The following DDC variants were observed in gnomAD, a reference collection of about 807,000 sequenced individuals.
The protein encoded by DDC is dopa decarboxylase, also known as aromatic-L-amino-acid decarboxylase.
Under a neutral mutation model 60.0 loss-of-function variants are expected in DDC, and 43 were observed. That is an observed-to-expected ratio of 0.72 (90% CI 0.56 to 0.92). DDC has a LOEUF of 0.92. Ranked by LOEUF, DDC falls within the 40% of genes least tolerant of loss-of-function variation. The pLI, the probability that DDC is intolerant of heterozygous loss-of-function variation, is 0.00. For synonymous variants in DDC, 232 were observed against 234.6 expected (o/e 0.99, Z 0.10); for missense variants, 573 against 620.2 (o/e 0.92, Z 0.81).
intron 6 of DDC, among the ~76,000 whole-genome samples, chr7:50,508,865 A>C (rs946453429): frequency 2.0e-5 from 3 of 152,188 alleles, no homozygotes; most frequent in Non-Finnish European, 4.4e-5. Flanking sequence ...AGTTAAAGAC[A>C]ACAAACAAGG....
intron 4 of DDC, among the ~76,000 whole-genome samples, chr7:50,529,658 A>C (rs2044141793): frequency 6.6e-6 from 1 of 152,146 alleles, no homozygotes; most frequent in Admixed American, 6.5e-5. Flanking sequence ...GCCTAGGACG[A>C]CTGCTCCTGT....
At chr7:50,555,593 T>C (rs1475657180) in intron 1 of DDC, among the ~76,000 whole-genome samples, 1 of 152,180 alleles carries the variant, frequency 6.6e-6, no homozygotes, top group Non-Finnish European at 1.5e-5. Context: ...ACTATTTTTA[T>C]GTAAACCCGG....
chr7:50,553,880 T>C (rs2045094595), intron 1 of DDC, among the ~76,000 whole-genome samples: 1 of 152,214 alleles, frequency 6.6e-6, no homozygotes, highest in Admixed American at 6.5e-5. Flanking sequence ...TAAAGAAGTT[T>C]CTAGCCATGA....
chr7:50,555,088 T>C (rs570928086), intron 1 of DDC, among the ~76,000 whole-genome samples: 2 of 152,222 alleles, frequency 1.3e-5, no homozygotes, highest in Non-Finnish European at 2.9e-5. Context: ...GGAACCAGGA[T>C]CCAGGCTGTC....
At chr7:50,555,267 C>T (rs1034647737) in intron 1 of DDC, among the ~76,000 whole-genome samples, 1 of 152,166 alleles carries the variant, frequency 6.6e-6, no homozygotes, top group Non-Finnish European at 1.5e-5. Flanking sequence ...AGAAGCATGG[C>T]TTGTGTGGTT....
chr7:50,519,032 C>T (rs1034379679), intron 6 of DDC, among the ~76,000 whole-genome samples: 2 of 152,134 alleles, frequency 1.3e-5, no homozygotes, highest in African/African-American at 2.4e-5. Context: ...TGAACTCAAA[C>T]AAATCAGTAA....
At chr7:50,532,581 A>G (rs2044251572) in intron 4 of DDC, among the ~76,000 whole-genome samples, 1 of 152,226 alleles carries the variant, frequency 6.6e-6, no homozygotes, top group Non-Finnish European at 1.5e-5. Context: ...TCATCCATGA[A>G]AAAGATTGTC....
In DDC at chr7:50,537,944, C is replaced by T; in HGVS notation, c.351G>A (p.Val117=). Residue 117 remains valine (V), a synonymous_variant, in exon 4 of 15, where the codon GTG becomes GTA. Transcript: ENST00000444124. ...GCATCTTCCCGAGCCAGTCCATCATCACAGTCTCCAGCTCTGTGCATGCTG... is the reference window on the plus strand; with the variant it reads ...GCATCTTCCCGAGCCAGTCCATCATTACAGTCTCCAGCTCTGTGCATGCTG... The part of the protein sequence containing the change: ...ASPACTELET[V]MMDWLGKMLE... The T allele has an allele frequency of 6.2e-7, 1 of 1,614,180 alleles. No individual in the cohort carries two copies. Among genetic ancestry groups the T allele is most frequent in the Non-Finnish European group, 8.5e-7 (1 of 1,180,040 alleles).
chr7:50,472,570 C>T (rs62445903), intron 11 of DDC, among the ~76,000 whole-genome samples: 9,495 of 152,182 alleles, frequency 0.062, 376 homozygotes, highest in Middle Eastern at 0.1. Context: ...GTCCGTGGTC[C>T]TGTCTTTCAA....
intron 1 of DDC, among the ~76,000 whole-genome samples, chr7:50,550,471 C>A (rs149909720): frequency 6.6e-6 from 1 of 152,014 alleles, no homozygotes; most frequent in African/African-American, 2.4e-5. Flanking sequence ...GTGTGAACAC[C>A]GAAAATTTGA....
intron 14 of DDC, among the ~76,000 whole-genome samples, chr7:50,461,926 G>A (rs1258469696): frequency 6.6e-6 from 1 of 152,206 alleles, no homozygotes; most frequent in African/African-American, 2.4e-5. Flanking sequence ...TTTTGACTCA[G>A]AAGGTAGCCC....
At chr7:50,464,933 C>T (rs73695683) in intron 13 of DDC, among the ~76,000 whole-genome samples, 8,051 of 152,252 alleles carry the variant, frequency 0.053, 487 homozygotes, top group African/African-American at 0.15. Context: ...TTGACTAACG[C>T]GCTTCCTCCA....
chr7:50,526,776 T>A (rs1419974065), intron 6 of DDC, among the ~76,000 whole-genome samples: 1 of 152,184 alleles, frequency 6.6e-6, no homozygotes, highest in Non-Finnish European at 1.5e-5. Flanking sequence ...ATGGAAAATG[T>A]CTATATCATG....
intron 1 of DDC, among the ~76,000 whole-genome samples, chr7:50,547,051 A>G (rs1301855826): frequency 6.6e-6 from 1 of 152,192 alleles, no homozygotes; most frequent in Non-Finnish European, 1.5e-5. Context: ...TTGCACATAC[A>G]GTGAAACTTG....
chr7:50,549,036 C>A (rs1383761384), intron 1 of DDC, among the ~76,000 whole-genome samples: 1 of 152,166 alleles, frequency 6.6e-6, no homozygotes. Flanking sequence ...CATCTGTTTA[C>A]AGTATGGTTT....
chr7:50,493,087 T>G (rs2043044128), intron 9 of DDC: 1 of 1,164,338 alleles, frequency 8.6e-7, no homozygotes, highest in Non-Finnish European at 1.2e-6. Flanking sequence ...CCCAAAATAT[T>G]TCTGGTCCCT....
intron 6 of DDC, among the ~76,000 whole-genome samples, chr7:50,526,661 A>G (rs764854547): frequency 6.6e-6 from 1 of 152,242 alleles, no homozygotes; most frequent in South Asian, 2.1e-4. Flanking sequence ...ATAAATATCA[A>G]TCGTCACACT....
rs1422086336 is a variant in DDC, at chr7:50,504,062, A to G, written c.715-3T>C. Reference sequence around the variant, plus strand: ...GTGGTCCCCAGGGTGGCAACCATCTAGAGGGTAAAAAGCAGACAGCCTTTT... The same window carrying G: ...GTGGTCCCCAGGGTGGCAACCATCTGGAGGGTAAAAAGCAGACAGCCTTTT... On this transcript the variant is annotated splice_polypyrimidine_tract_variant and splice_region_variant and intron_variant, in intron 6 of 14. Coordinates refer to ENST00000444124, the MANE Select transcript of DDC (RefSeq NM_001082971.2). The G allele has an allele frequency of 3.7e-6, 6 of 1,611,804 alleles. No individual in the cohort carries two copies. Among genetic ancestry groups the G allele is most frequent in the Non-Finnish European group, 5.1e-6 (6 of 1,177,954 alleles).
chr7:50,506,225 G>A (rs904439666), intron 6 of DDC, among the ~76,000 whole-genome samples: 28 of 152,206 alleles, frequency 1.8e-4, no homozygotes, highest in Non-Finnish European at 8.8e-5. Context: ...GAGGATAGTA[G>A]CCCAGAGTGT....
Sources: gnomAD v4.1 joint callset for allele counts (sites outside exome capture counted in the v4.1 genomes callset) on GRCh38, gnomAD v4.1.1 for gene constraint, MANE v1.5 for transcripts, NCBI Gene and HGNC (gene_info 2026-07-23, HGNC 2026-07-21) for gene names.